AHNAK2: variants seen among roughly 807,000 people sequenced by gnomAD.
AHNAK2 encodes AHNAK nucleoprotein 2.
In AHNAK2, 18 loss-of-function variants were observed where a neutral mutation model predicts 30.7. That is an observed-to-expected ratio of 0.59 (90% confidence interval 0.41 to 0.87). The LOEUF (loss-of-function observed/expected upper bound fraction) is 0.87, where lower values mean the gene tolerates loss of function less well. Among genes scored for constraint, AHNAK2 ranks in the 40% least tolerant of loss-of-function variants. AHNAK2 has a pLI of 0.00. For synonymous variants in AHNAK2, 3,590 were observed against 3,073.8 expected (o/e 1.17, Z -5.56); for missense variants, 8,604 against 7,373.0 (o/e 1.17, Z -6.11).
chr14:104,973,147 G>A (rs544062243), intron 1 of AHNAK2, among the ~76,000 whole-genome samples: 1 of 152,194 alleles, frequency 6.6e-6, no homozygotes, highest in African/African-American at 2.4e-5. Context: ...CTGGAGGGAC[G>A]GCAAGCAGGG....
chr14:104,970,573 G>T, intron 1 of AHNAK2: 4 of 966,298 alleles, frequency 4.1e-6, no homozygotes, highest in Non-Finnish European at 4.9e-6. Context: ...TCCCGCCTCT[G>T]CCTGCTCCTA....
In AHNAK2 at chr14:104,942,332, C is replaced by G. The variant is rs748722799; in HGVS notation, c.13119G>C (p.Glu4373Asp). 1.2e-6 allele frequency: 2 copies of G among 1,613,290 alleles called. No homozygotes were observed. Among genetic ancestry groups the G allele is most frequent in the East Asian group, 2.2e-5 (1 of 44,806 alleles). Residue 4373 changes from glutamate (E) to aspartate (D), a missense_variant, in exon 7 of 7, where the codon GAG becomes GAC. Coordinates refer to ENST00000333244, the MANE Select transcript of AHNAK2 (RefSeq NM_138420.4). ...GCAGGTGCCCTTTGAGGCCGGCTCC[C>G]TCATGCACAGGGCCCTCTGGGAGTT... ...DVKLPEGPVHEGAGLKGHLPK... is the reference protein window; with the variant it reads ...DVKLPEGPVHDGAGLKGHLPK...
chr14:104,953,460 G>C lies in AHNAK2; in HGVS notation c.1991C>G (p.Thr664Arg). The C allele has an allele frequency of 1.2e-6, 2 of 1,614,010 alleles. No homozygotes were observed. The highest frequency in any genetic ancestry group is 1.7e-6 in the Non-Finnish European group (2 of 1,179,892). Reference protein sequence around the residue: ...EKRLKKEQILTEKEVATKDSK... With the variant: ...EKRLKKEQILREKEVATKDSK... ...GTCTTTGGTGGCCACTTCCTTTTCT[G>C]TCAGAATTTGTTCCTTTTTTAAGCG... The change falls in exon 7 of 7, where the codon ACA becomes AGA. Residue 664 changes from threonine to arginine, a missense_variant. Physicochemically the swap from Thr to Arg is moderately conservative, Grantham distance 71 (BLOSUM62 -1). Coordinates refer to ENST00000333244, the MANE Select transcript of AHNAK2 (RefSeq NM_138420.4).
rs1461419038 is a variant in AHNAK2 at position 104,940,786 on chromosome 14, C to T, written c.14665G>A (p.Gly4889Ser). The change falls in exon 7 of 7, where the codon GGT becomes AGT. Residue 4889 changes from glycine (G) to serine (S), a missense_variant. Transcript: ENST00000333244. This position sits in a 1 kb window ranked among gnomAD's most constrained non-coding sequence, Gnocchi z 4.4. ...VPEGDLHAAV[G>S]APVMSPLSPG... ...CTAAGAGGAGACATGACTGGGGCACCCACTGCTGCATGTAGGTCTCCCTCA... is the reference window on the plus strand; with the variant it reads ...CTAAGAGGAGACATGACTGGGGCACTCACTGCTGCATGTAGGTCTCCCTCA... The T allele has an allele frequency of 6.2e-7, 1 of 1,612,974 alleles. No homozygotes were observed. Among genetic ancestry groups the T allele is most frequent in the Non-Finnish European group, 8.5e-7 (1 of 1,179,900 alleles).
Position 104,938,125 on chromosome 14 carries a change from C to G in AHNAK2, c.17326G>C (p.Glu5776Gln). The G allele has an allele frequency of 6.2e-7, 1 of 1,613,980 alleles. No homozygotes were observed. The highest frequency in any genetic ancestry group is 8.5e-7 in the Non-Finnish European group (1 of 1,179,898). Residue 5776 changes from glutamate (E) to glutamine (Q), a missense_variant, in exon 7 of 7, where the codon GAG becomes CAG. Transcript: ENST00000333244. ...TCATCGTCAGCTTTTCTGTCCTGCT[C>G]GGGCAGGATTAACTCTGTTCTTGCC... is the stretch of plus-strand genomic sequence containing the variant. ...SAARTELILP[E>Q]QDRKADDESK...
At position 104,952,581 on chromosome 14, in the gene AHNAK2, C is replaced by G; in HGVS notation, c.2870G>C (p.Gly957Ala). ...CTCCATGCTGGGCAGAGACACCTCGCCATCGGGGGCTGTCACTTCCGCCTT... is the reference window on the plus strand; with the variant it reads ...CTCCATGCTGGGCAGAGACACCTCGGCATCGGGGGCTGTCACTTCCGCCTT... The part of the protein sequence containing the change: ...GPKAEVTAPD[G>A]EVSLPSMEVD... Residue 957 changes from glycine (G) to alanine (A), a missense_variant, in exon 7 of 7, where the codon GGC becomes GCC. Transcript: ENST00000333244. The G allele has an allele frequency of 6.2e-7, 1 of 1,610,288 alleles. No homozygotes were observed. Among genetic ancestry groups the G allele is most frequent in the South Asian group, 1.1e-5 (1 of 90,862 alleles).
In AHNAK2 at chr14:104,949,186, G is replaced by C. The variant is rs576365752; in HGVS notation, c.6265C>G (p.Pro2089Ala). Residue 2089 changes from proline to alanine, a missense_variant, in exon 7 of 7, where the codon CCC becomes GCC. By Grantham distance (27) the Pro-to-Ala change is conservative. Coordinates refer to ENST00000333244, the MANE Select transcript of AHNAK2 (RefSeq NM_138420.4). ...LKMPKVDLKG[P>A]QVDIKGPKLD... ...TTGGGGCCCTTGATGTCCACCTGGGGGCCCTTGAGGTCCACTTTGGGCATC... is the reference window on the plus strand; with the variant it reads ...TTGGGGCCCTTGATGTCCACCTGGGCGCCCTTGAGGTCCACTTTGGGCATC... 9.3e-7 allele frequency: 1 copy of C among 1,069,862 alleles called. No homozygotes were observed. Among genetic ancestry groups the C allele is most frequent in the African/African-American group, 1.4e-5 (1 of 71,324 alleles). 66.3% of individuals were successfully genotyped at this position (1,069,862 alleles called of 1,614,324 possible). A position where few individuals can be genotyped will look rare whatever the true frequency, so the allele number is the denominator to read the frequency against.
intron 1 of AHNAK2, among the ~76,000 whole-genome samples, chr14:104,973,243 T>G (rs1183021988): frequency 6.6e-6 from 1 of 152,178 alleles, no homozygotes; most frequent in Non-Finnish European, 1.5e-5. Flanking sequence ...TAGTCCTGGC[T>G]CAGAGCTGCT....
chr14:104,947,321 G>C lies in AHNAK2; in HGVS notation c.8130C>G (p.Gly2710=). ...CCTCTGGGAGTTTCACATCCACCTG[G>C]CCAGCCTGGACCTCCAGTTGGGCAG... The part of the protein sequence containing the change: ...PPSAQLEVQA[G]QVDVKLPEGH... The change falls in exon 7 of 7, where the codon GGC becomes GGG. Residue 2710 remains glycine (G), a synonymous_variant. Coordinates refer to ENST00000333244, the MANE Select transcript of AHNAK2 (RefSeq NM_138420.4). 1 of 1,612,006 alleles carries C rather than the reference G, an allele frequency of 6.2e-7. No individual in the cohort carries two copies. The highest frequency in any genetic ancestry group is 8.5e-7 in the Non-Finnish European group (1 of 1,179,432).
rs368048162 is a variant in AHNAK2 at position 104,942,933 on chromosome 14, T to A, written c.12518A>T (p.Gln4173Leu). 2 of 1,613,312 alleles carry A rather than the reference T, an allele frequency of 1.2e-6. No homozygotes were observed. The highest frequency in any genetic ancestry group is 1.1e-5 in the South Asian group (1 of 91,048). The change falls in exon 7 of 7, where the codon CAG becomes CTG. Residue 4173 changes from glutamine to leucine, a missense_variant. Physicochemically the swap from Gln to Leu is moderately radical, Grantham distance 113. Coordinates refer to ENST00000333244, the MANE Select transcript of AHNAK2 (RefSeq NM_138420.4). ...GAGGTCAGTGGTCTTGAGGTCCCCC[T>A]GCATGGAGGGGAGGCTCACGTCGGC... is the stretch of plus-strand genomic sequence containing the variant. Reference protein sequence around the residue: ...AKADVSLPSMQGDLKTTDLSI... With the variant: ...AKADVSLPSMLGDLKTTDLSI...
In AHNAK2 at chr14:104,941,342, A is replaced by T; in HGVS notation, c.14109T>A (p.His4703Gln). The T allele has an allele frequency of 6.2e-7, 1 of 1,613,610 alleles. No homozygotes were observed. The highest frequency in any genetic ancestry group is 1.3e-5 in the African/African-American group (1 of 75,056). The change falls in exon 7 of 7, where the codon CAT becomes CAA. Residue 4703 changes from histidine (H) to glutamine (Q), a missense_variant. By Grantham distance (24) the His-to-Gln change is conservative. Coordinates refer to ENST00000333244, the MANE Select transcript of AHNAK2 (RefSeq NM_138420.4). Reference sequence around the variant, plus strand: ...AAAATGAAACTTTGGGCACTTTAAAATGCAGTTTCTTAAACTTCGAATCCA... The same window carrying T: ...AAAATGAAACTTTGGGCACTTTAAATTGCAGTTTCTTAAACTTCGAATCCA... ...VGMDSKFKKL[H>Q]FKVPKVSFSS...
chr14:104,949,617 G>C lies in AHNAK2; in HGVS notation c.5834C>G (p.Pro1945Arg). ...LKGPKAEVTA[P>R]DVEVSLPSME... is the part of the protein sequence containing the mutation. Reference sequence around the variant, plus strand: ...GCTGGGCAGAGACACCTCGACATCGGGGGCTGTCACTTCCGCCTTGGGGCC... The same window carrying C: ...GCTGGGCAGAGACACCTCGACATCGCGGGCTGTCACTTCCGCCTTGGGGCC... The change falls in exon 7 of 7, where the codon CCC (proline) becomes CGC (arginine). Residue 1945 changes from proline (P) to arginine (R), a missense_variant. Coordinates refer to ENST00000333244, the MANE Select transcript of AHNAK2 (RefSeq NM_138420.4). The C allele has an allele frequency of 2.5e-6, 4 of 1,589,056 alleles. 1 individual carries two copies. The highest frequency in any genetic ancestry group is 3.4e-6 in the Non-Finnish European group (4 of 1,163,420).
rs981631822 is a variant in AHNAK2, at chr14:104,946,657, C to T, written c.8794G>A (p.Val2932Met). ...GACACCTCCACGTCGGGGGCCGTCACCTCCGCCTTGGGGCCTTTCAGGTCC... is the reference window on the plus strand; with the variant it reads ...GACACCTCCACGTCGGGGGCCGTCATCTCCGCCTTGGGGCCTTTCAGGTCC... ...KLDLKGPKAE[V>M]TAPDVEVSLP... The change falls in exon 7 of 7, where the codon GTG becomes ATG. Residue 2932 changes from valine to methionine, a missense_variant. Coordinates refer to ENST00000333244, the MANE Select transcript of AHNAK2 (RefSeq NM_138420.4). 1 of 1,612,938 alleles carries T rather than the reference C, an allele frequency of 6.2e-7. No homozygotes were observed. Among genetic ancestry groups the T allele is most frequent in the Non-Finnish European group, 8.5e-7 (1 of 1,179,778 alleles).
At position 104,940,376 on chromosome 14, in the gene AHNAK2, T is replaced by C; in HGVS notation, c.15075A>G (p.Lys5025=). 6.2e-7 allele frequency: 1 copy of C among 1,613,814 alleles called. No individual in the cohort carries two copies. Among genetic ancestry groups the C allele is most frequent in the Non-Finnish European group, 8.5e-7 (1 of 1,179,860 alleles). The change falls in exon 7 of 7, where the codon AAA becomes AAG. Residue 5025 remains lysine, a synonymous_variant. Transcript: ENST00000333244. The surrounding 1 kb of genome is among the most constrained non-coding windows in gnomAD (Gnocchi z 4.4). The stretch of plus-strand genomic sequence containing the variant: ...AAGCCTTCATTTTGGGAAGTGCAAG[T>C]TTTGGCATGGCAAAGCCAGGCTTTG... ...RSTKPGFAMP[K]LALPKMKASK... is the part of the protein sequence containing the mutation.
chr14:104,955,182 T>TGA, intron 5 of AHNAK2, 41 bp from the exon 6 acceptor site: 1 of 1,568,664 alleles, frequency 6.4e-7, no homozygotes, highest in Non-Finnish European at 8.6e-7. Context: ...GGTGTGTGAA[T>TGA]GAGACGGGGT....
Position 104,949,354 on chromosome 14 carries a change from T to G in AHNAK2, c.6097A>C (p.Thr2033Pro). Residue 2033 changes from threonine to proline, a missense_variant, in exon 7 of 7, where the codon ACC (threonine) becomes CCC (proline). By Grantham distance (38) the Thr-to-Pro change is conservative. Coordinates refer to ENST00000333244, the MANE Select transcript of AHNAK2 (RefSeq NM_138420.4). ...GGGGGCTGAATGCTGAGGTCAGTGG[T>G]CTTCAGGTCCCCCTGCATGGAGGGG... ...SLPSMQGDLK[T>P]TDLSIQPPSA... The G allele has an allele frequency of 1.9e-6, 3 of 1,564,264 alleles. No individual in the cohort carries two copies.
At position 104,943,384 on chromosome 14, in the gene AHNAK2, C is replaced by A. The variant is rs200136053; in HGVS notation, c.12067G>T (p.Ala4023Ser). ...ATDLSVQPPS[A>S]DLEVQAGQVD... ...TGGCCAGCCTGGACCTCCAGGTCAG[C>A]GGAAGGGGGCTGAACGCTGAGGTCA... The change falls in exon 7 of 7, where the codon GCT becomes TCT. Residue 4023 changes from alanine to serine, a missense_variant. Coordinates refer to ENST00000333244, the MANE Select transcript of AHNAK2 (RefSeq NM_138420.4). 6.2e-7 allele frequency: 1 copy of A among 1,612,880 alleles called. No homozygotes were observed. The highest frequency in any genetic ancestry group is 1.1e-5 in the South Asian group (1 of 91,026).
chr14:104,956,596 G>T lies in AHNAK2; in HGVS notation c.307C>A (p.Arg103Ser). 5 of 1,613,810 alleles carry T rather than the reference G, an allele frequency of 3.1e-6. No homozygotes were observed. The highest frequency in any genetic ancestry group is 4.2e-6 in the Non-Finnish European group (5 of 1,179,842). The change falls in exon 4 of 7, where the codon CGT becomes AGT. Residue 103 changes from arginine (R) to serine (S), a missense_variant. Arg to Ser is a moderately radical substitution (Grantham distance 110, BLOSUM62 -1). Coordinates refer to ENST00000333244, the MANE Select transcript of AHNAK2 (RefSeq NM_138420.4). ...GCTCCTGCTGTACCCACCTCTGGAC[G>T]ACTCATCCTGAAAAATGTCCGTGAG... is the stretch of plus-strand genomic sequence containing the variant. ...GDSRTFFRMS[R>S]PEAVQEATEV... is the part of the protein sequence containing the mutation.
In AHNAK2 at chr14:104,949,179, A is replaced by T. The variant is rs748838466; in HGVS notation, c.6272T>A (p.Val2091Glu). 38 of 1,068,646 alleles carry T rather than the reference A, an allele frequency of 3.6e-5. 13 individuals are homozygous for T. Among genetic ancestry groups the T allele is most frequent in the Non-Finnish European group, 4.5e-5 (33 of 733,588 alleles). 66.2% of individuals were successfully genotyped at this position (1,068,646 alleles called of 1,614,324 possible). Reference protein sequence around the residue: ...MPKVDLKGPQVDIKGPKLDLK... With the variant: ...MPKVDLKGPQEDIKGPKLDLK... Reference sequence around the variant, plus strand: ...GTCCAGTTTGGGGCCCTTGATGTCCACCTGGGGGCCCTTGAGGTCCACTTT... The same window carrying T: ...GTCCAGTTTGGGGCCCTTGATGTCCTCCTGGGGGCCCTTGAGGTCCACTTT... Residue 2091 changes from valine to glutamate, a missense_variant, in exon 7 of 7, where the codon GTG (valine) becomes GAG (glutamate). Val to Glu is a moderately radical substitution (Grantham distance 121). Transcript: ENST00000333244.
Sources: allele counts gnomAD v4.1 joint callset (sites outside exome capture counted in the v4.1 genomes callset), GRCh38; gene constraint gnomAD v4.1.1; non-coding constraint Gnocchi (gnomAD v3.1); transcripts MANE v1.5; gene names NCBI Gene and HGNC (gene_info 2026-07-23, HGNC 2026-07-21).